The following CDCP1 variants were observed in gnomAD, a reference collection of about 807,000 sequenced individuals.
CDCP1 encodes CUB domain-containing protein 1.
In CDCP1, 29 loss-of-function variants were observed where a neutral mutation model predicts 60.2. The ratio of observed to expected loss-of-function variants is 0.48; its 90% CI spans 0.36 to 0.66. CDCP1 has a LOEUF of 0.66. Ranked by LOEUF, CDCP1 falls within the 30% of genes least tolerant of loss-of-function variation. The probability of loss-of-function intolerance (pLI) is 0.00; values close to 1 mark genes in which losing one functional copy is unlikely to be tolerated. For synonymous variants in CDCP1, 387 were observed against 431.1 expected (o/e 0.90, Z 1.27); for missense variants, 876 against 1,074.3 (o/e 0.82, Z 2.58).
chr3:45,091,940 T>C lies in CDCP1; in HGVS notation c.1628-402A>G, dbSNP rs149900522. 9.7e-3 allele frequency among the ~76,000 whole-genome samples: 1,476 copies of C among 152,272 alleles called. 31 individuals are homozygous for C. Among genetic ancestry groups the C allele is most frequent in the African/African-American group, 0.033 (1,373 of 41,544 alleles). On this transcript the variant is annotated intron_variant, in intron 6 of 8. Coordinates refer to ENST00000296129, the MANE Select transcript of CDCP1 (RefSeq NM_022842.5). The surrounding 1 kb of genome is among the most constrained non-coding windows in gnomAD (Gnocchi z 4.8). ...TCCCGAGTAGCTAGGACTACAGGCA[T>C]GAGCCACCATGACCGGCTAATTTTT...
At chr3:45,136,105 A>C (rs189252018) in intron 1 of CDCP1, among the ~76,000 whole-genome samples, 1 of 152,324 alleles carries the variant, frequency 6.6e-6, no homozygotes, top group African/African-American at 2.4e-5. Flanking sequence ...GAATGAACAG[A>C]ATTTGTTATC....
intron 7 of CDCP1, among the ~76,000 whole-genome samples, chr3:45,090,595 C>T (rs17634308): frequency 0.11 from 17,199 of 152,036 alleles, 1,164 homozygotes; most frequent in Middle Eastern, 0.16. Context: ...ACTTCCCCTA[C>T]GTAAAAGAGA....
rs1698145919 is a variant in CDCP1, at chr3:45,084,067, A to C, written c.*1571T>G. 1 of 152,174 alleles carries C rather than the reference A, an allele frequency of 6.6e-6. No individual in the cohort carries two copies. The highest frequency in any genetic ancestry group is 1.5e-5 in the Non-Finnish European group (1 of 68,032). 9.4% of individuals were successfully genotyped at this position (152,174 alleles called of 1,614,324 possible). A position where few individuals can be genotyped will look rare whatever the true frequency, so the allele number is the denominator to read the frequency against. On this transcript the variant is annotated 3_prime_UTR_variant, in exon 9 of 9. Coordinates refer to ENST00000296129, the MANE Select transcript of CDCP1 (RefSeq NM_022842.5). ...TGCAGGGGCATTGATCAGTAGAAAC[A>C]AACACTCAGCCTCATTGTGGGAAGT...
intron 4 of CDCP1, among the ~76,000 whole-genome samples, chr3:45,100,750 A>C (rs924375668): frequency 1.3e-5 from 2 of 152,228 alleles, no homozygotes; most frequent in African/African-American, 4.8e-5. Flanking sequence ...GTATGAAGGG[A>C]GTAAAGCCAT....
intron 4 of CDCP1, among the ~76,000 whole-genome samples, chr3:45,103,165 C>T (rs1029358176): frequency 3.3e-5 from 5 of 152,100 alleles, no homozygotes; most frequent in African/African-American, 7.2e-5. Flanking sequence ...TAAAAGGCAA[C>T]GATTTTCTGA....
intron 1 of CDCP1, among the ~76,000 whole-genome samples, chr3:45,130,142 GAC>G (rs1699063083): frequency 6.8e-6 from 1 of 147,340 alleles, no homozygotes; most frequent in East Asian, 2.0e-4. Context: ...TTTTTTTTGA[GAC>G]ACAGTCTCAT....
At chr3:45,121,771 T>C (rs1004891762) in intron 1 of CDCP1, among the ~76,000 whole-genome samples, 4 of 152,218 alleles carry the variant, frequency 2.6e-5, no homozygotes, top group African/African-American at 9.6e-5. Flanking sequence ...ACACCTTGTA[T>C]ACAAATGCCA....
intron 1 of CDCP1, among the ~76,000 whole-genome samples, chr3:45,129,188 A>G (rs1289044910): frequency 6.6e-6 from 1 of 152,224 alleles, no homozygotes; most frequent in Non-Finnish European, 1.5e-5. Flanking sequence ...GACACATGCC[A>G]TATGAGAGAG....
rs151000184 is a variant in CDCP1 at position 45,102,891 on chromosome 3, G to A, written c.1025-7323C>T. On this transcript the variant is annotated intron_variant, in intron 4 of 8. Transcript: ENST00000296129. The stretch of plus-strand genomic sequence containing the variant: ...CCAGGCTGGTCTCAGACTCCTTTGG[G>A]CTCAACCAAATATGCCTGCCTCGGC... Among the ~76,000 whole-genome samples the A allele has an allele frequency of 2.7e-3, 413 of 151,910 alleles. 1 individual carries two copies. The highest frequency in any genetic ancestry group is 4.6e-3 in the Non-Finnish European group (313 of 67,968).
At position 45,091,059 on chromosome 3, in the gene CDCP1, C is replaced by A; in HGVS notation, c.1993+114G>T. ...CTATTGATGCAATAGCTGACTGATACATGGACAGTCAGGACTCAATCTGTG... is the reference window on the plus strand; with the variant it reads ...CTATTGATGCAATAGCTGACTGATAAATGGACAGTCAGGACTCAATCTGTG... On this transcript the variant is annotated intron_variant, in intron 7 of 8. Transcript: ENST00000296129. The surrounding 1 kb of genome is among the most constrained non-coding windows in gnomAD (Gnocchi z 4.8). 2.6e-6 allele frequency: 3 copies of A among 1,159,978 alleles called. No homozygotes were observed. Among genetic ancestry groups the A allele is most frequent in the Non-Finnish European group, 2.4e-6 (2 of 819,102 alleles). The allele number at this position is 1,159,978 out of a possible 1,614,324, so 71.9% of individuals were successfully genotyped here.
chr3:45,143,345 T>C (rs1699326956), intron 1 of CDCP1, among the ~76,000 whole-genome samples: 1 of 152,246 alleles, frequency 6.6e-6, no homozygotes, highest in Non-Finnish European at 1.5e-5. Flanking sequence ...TGTCATTTTC[T>C]AGTCTGTGCT....
intron 2 of CDCP1, among the ~76,000 whole-genome samples, chr3:45,115,925 T>A (rs1052940177): frequency 6.6e-6 from 1 of 152,152 alleles, no homozygotes. Flanking sequence ...ATCTTTCCAT[T>A]TATTTAAGTC....
rs913982332 is a variant in CDCP1, at chr3:45,084,756, G to T, written c.*882C>A. The T allele has an allele frequency of 6.6e-6, 1 of 152,582 alleles. No homozygotes were observed. The highest frequency in any genetic ancestry group is 1.5e-5 in the Non-Finnish European group (1 of 68,026). 9.5% of individuals were successfully genotyped at this position (152,582 alleles called of 1,614,324 possible). Reference sequence around the variant, plus strand: ...GTGGCAACAGAAAACTAATGCAGGGGGCCACTGTTTGGTATATATTTAAAC... The same window carrying T: ...GTGGCAACAGAAAACTAATGCAGGGTGCCACTGTTTGGTATATATTTAAAC... On this transcript the variant is annotated 3_prime_UTR_variant, in exon 9 of 9. Coordinates refer to ENST00000296129, the MANE Select transcript of CDCP1 (RefSeq NM_022842.5).
intron 2 of CDCP1, among the ~76,000 whole-genome samples, 182 bp from the exon 3 acceptor site, chr3:45,112,627 A>G (rs1351804007): frequency 6.6e-6 from 1 of 152,236 alleles, no homozygotes; most frequent in African/African-American, 2.4e-5. Context: ...TCACAGATGT[A>G]CCCTCCTTCG....
At chr3:45,115,701 CT>C (rs369872423) in intron 2 of CDCP1, among the ~76,000 whole-genome samples, 1 of 151,018 alleles carries the variant, frequency 6.6e-6, no homozygotes, top group Non-Finnish European at 1.5e-5. Context: ...CTTAGTATTT[CT>C]TTTTTTTTTA....
At chr3:45,104,875 G>A (rs1698537028) in intron 4 of CDCP1, among the ~76,000 whole-genome samples, 1 of 152,192 alleles carries the variant, frequency 6.6e-6, no homozygotes, top group African/African-American at 2.4e-5. Context: ...CCAACATGGA[G>A]AAACCCTGTC....
At chr3:45,144,531 T>C (rs1444278305) in intron 1 of CDCP1, among the ~76,000 whole-genome samples, 2 of 152,214 alleles carry the variant, frequency 1.3e-5, no homozygotes, top group African/African-American at 2.4e-5. Context: ...AAGGACTTCC[T>C]GGAAGGGACT....
chr3:45,105,478 G>A (rs750911361), intron 4 of CDCP1, among the ~76,000 whole-genome samples: 4 of 152,198 alleles, frequency 2.6e-5, no homozygotes, highest in Non-Finnish European at 4.4e-5. Context: ...TTAACAAAGC[G>A]TCCTGTGTAA....
chr3:45,142,576 T>C (rs1415149144), intron 1 of CDCP1, among the ~76,000 whole-genome samples: 1 of 152,088 alleles, frequency 6.6e-6, no homozygotes, highest in Non-Finnish European at 1.5e-5. Flanking sequence ...AACACACTGA[T>C]GGCTGGAAAG....
Sources: allele counts gnomAD v4.1 joint callset (sites outside exome capture counted in the v4.1 genomes callset), GRCh38; gene constraint gnomAD v4.1.1; non-coding constraint Gnocchi (gnomAD v3.1); transcripts MANE v1.5; gene names NCBI Gene and HGNC (gene_info 2026-07-23, HGNC 2026-07-21).